The following PRCP variants were observed in gnomAD, a reference collection of about 807,000 sequenced individuals.
PRCP encodes prolylcarboxypeptidase.
In PRCP, 46 loss-of-function variants were observed where a neutral mutation model predicts 54.2. The ratio of observed to expected loss-of-function variants is 0.85; its 90% CI spans 0.67 to 1.09. The LOEUF (loss-of-function observed/expected upper bound fraction) is 1.09, where lower values mean the gene tolerates loss of function less well. PRCP is among the 50% of genes least tolerant of loss of function. The pLI is 0.00. For synonymous variants in PRCP, 240 were observed against 212.2 expected, an observed-to-expected ratio of 1.13 and a Z score of -1.14; for missense variants, 613 against 596.8, an observed-to-expected ratio of 1.03 and a Z score of -0.28.
At chr11:82,872,732 G>A (rs543686049) in intron 1 of PRCP, among the ~76,000 whole-genome samples, 1 of 152,336 alleles carries the variant, frequency 6.6e-6, no homozygotes, top group South Asian at 2.1e-4. Flanking sequence ...GCCTCGGGAA[G>A]TGAGAGGATA....
At chr11:82,868,823 G>A (rs950946413) in intron 1 of PRCP, among the ~76,000 whole-genome samples, 3 of 151,848 alleles carry the variant, frequency 2.0e-5, no homozygotes, top group Non-Finnish European at 4.4e-5. Context: ...TCAAATTGAG[G>A]CCAGGAGTTC....
At chr11:82,883,969 C>T (rs981177528) in intron 1 of PRCP, among the ~76,000 whole-genome samples, 50 of 152,144 alleles carry the variant, frequency 3.3e-4, no homozygotes, top group African/African-American at 9.9e-4. Context: ...GAGTCATCAC[C>T]GCTGCTTTCC....
intron 2 of PRCP, among the ~76,000 whole-genome samples, chr11:82,853,703 G>C (rs1427017147): frequency 6.6e-6 from 1 of 152,030 alleles, no homozygotes. Context: ...GGGACACAAT[G>C]AAACAAGAAA....
chr11:82,868,097 C>T (rs1260018367), intron 1 of PRCP, among the ~76,000 whole-genome samples: 1 of 151,946 alleles, frequency 6.6e-6, no homozygotes, highest in African/African-American at 2.4e-5. Context: ...TGTCAGAAAC[C>T]AGGATATTGG....
At chr11:82,874,736 G>A (rs1859563612) in intron 1 of PRCP, among the ~76,000 whole-genome samples, 1 of 151,456 alleles carries the variant, frequency 6.6e-6, no homozygotes, top group Non-Finnish European at 1.5e-5. Flanking sequence ...AGTTGTACAG[G>A]TTTTATTCTG....
intron 1 of PRCP, among the ~76,000 whole-genome samples, chr11:82,881,676 G>C (rs1251099709): frequency 6.6e-6 from 1 of 152,192 alleles, no homozygotes; most frequent in Non-Finnish European, 1.5e-5. Flanking sequence ...GGAAAGCAAA[G>C]AAGGGGCAGA....
At chr11:82,856,820 G>A (rs1329627020) in intron 2 of PRCP, among the ~76,000 whole-genome samples, 2 of 152,010 alleles carry the variant, frequency 1.3e-5, no homozygotes, top group Non-Finnish European at 1.5e-5. Flanking sequence ...AGGCCGAGGC[G>A]GGCGGATCAC....
At chr11:82,871,532 T>C (rs571220004) in intron 1 of PRCP, among the ~76,000 whole-genome samples, 2 of 152,326 alleles carry the variant, frequency 1.3e-5, no homozygotes, top group East Asian at 3.9e-4. Flanking sequence ...ACCACTGTTA[T>C]AACTACATCA....
At chr11:82,879,949 G>A (rs1406748676) in intron 1 of PRCP, among the ~76,000 whole-genome samples, 1 of 152,198 alleles carries the variant, frequency 6.6e-6, no homozygotes, top group Non-Finnish European at 1.5e-5. Flanking sequence ...GACCCTTACT[G>A]GGAAGTGTCT....
chr11:82,849,006 A>G, intron 6 of PRCP, 43 bp downstream of exon 6: 1 of 1,577,134 alleles, frequency 6.3e-7, no homozygotes, highest in Non-Finnish European at 8.7e-7. Flanking sequence ...ATTAAAAAAA[A>G]AGTGTGTTAT....
intron 1 of PRCP, among the ~76,000 whole-genome samples, chr11:82,868,595 T>C (rs1197235773): frequency 3.1e-5 from 1 of 32,474 alleles, no homozygotes; most frequent in South Asian, 7.1e-4. Flanking sequence ...CAGAGAAGAA[T>C]TTTTTTTTTT....
rs764894329 is a variant in PRCP at position 82,900,218 on chromosome 11, C to G, written c.168+17G>C. On this transcript the variant is annotated intron_variant, in intron 1 of 8. Transcript: ENST00000313010. ...GGCGGTTGGGCCTGGGACGGCGAAG[C>G]CCCCGCTCCCCCTTACCTTCTGTTG... 5 of 1,613,020 alleles carry G rather than the reference C, an allele frequency of 3.1e-6. No individual in the cohort carries two copies. The Admixed American group carries it at 8.4e-5, about 27-fold the overall frequency.
At chr11:82,844,660 G>C (rs1858758446) in intron 6 of PRCP, among the ~76,000 whole-genome samples, 1 of 149,576 alleles carries the variant, frequency 6.7e-6, no homozygotes, top group Admixed American at 6.7e-5. Context: ...TTGAACCCGG[G>C]AGGCAGAGGT....
At chr11:82,853,047 T>C (rs1025641834) in intron 3 of PRCP, 130 bp downstream of exon 3, 6 of 578,442 alleles carry the variant, frequency 1.0e-5, no homozygotes, top group African/African-American at 3.9e-5. Context: ...AAAAAGAAAC[T>C]ATTAAATATA....
chr11:82,885,190 C>T (rs1236623157), intron 1 of PRCP, among the ~76,000 whole-genome samples: 1 of 152,098 alleles, frequency 6.6e-6, no homozygotes, highest in Non-Finnish European at 1.5e-5. Context: ...ACATGTTTTT[C>T]TTTTTCCTTT....
intron 3 of PRCP, among the ~76,000 whole-genome samples, chr11:82,851,625 A>G (rs1179070810): frequency 6.6e-6 from 1 of 151,838 alleles, no homozygotes; most frequent in Non-Finnish European, 1.5e-5. Context: ...CACCCATGGA[A>G]ACTATAAAGT....
In PRCP at chr11:82,863,185, C is replaced by G. The variant is rs146828726; in HGVS notation, c.169-3068G>C. Among the ~76,000 whole-genome samples the G allele has an allele frequency of 4.3e-3, 656 of 152,346 alleles. 2 individuals are homozygous for G. The highest frequency in any genetic ancestry group is 7.8e-3 in the Non-Finnish European group (533 of 68,028). ...GTAAACTGTGCTTTAACAAGCCGTA[C>G]AGGTGATTCTGTAAAGTTTTGAAAA... On this transcript the variant is annotated intron_variant, in intron 1 of 8. Transcript: ENST00000313010.
chr11:82,888,149 T>A (rs186699381), intron 1 of PRCP, among the ~76,000 whole-genome samples: 37 of 152,308 alleles, frequency 2.4e-4, no homozygotes, highest in African/African-American at 7.9e-4. Flanking sequence ...TTATGATGGG[T>A]GAGAAAAAGT....
At chr11:82,828,424 T>G (rs1250353695) in intron 8 of PRCP, 2 of 152,212 alleles carry the variant, frequency 1.3e-5, no homozygotes, top group Admixed American at 6.5e-5. Flanking sequence ...GGAAAAAAAC[T>G]GTCACTGAAA....
Sources: gnomAD v4.1 joint callset for allele counts (sites outside exome capture counted in the v4.1 genomes callset) on GRCh38, gnomAD v4.1.1 for gene constraint, MANE v1.5 for transcripts, NCBI Gene and HGNC (gene_info 2026-07-23, HGNC 2026-07-21) for gene names.